DMD: variants seen among roughly 807,000 people sequenced by gnomAD.
The protein encoded by DMD is dystrophin, also known as mutant dystrophin.
DMD carries 63 observed loss-of-function variants against 330.1 expected under a neutral mutation model. That is an observed-to-expected ratio of 0.19 (90% CI 0.16 to 0.24). The LOEUF is 0.24. Ranked by LOEUF, DMD falls within the 10% of genes least tolerant of loss-of-function variation. The probability of loss-of-function intolerance (pLI) is 1.00; values close to 1 mark genes in which losing one functional copy is unlikely to be tolerated. For missense variants in DMD, 3,344 were observed against 2,684.1 expected (o/e 1.25, Z -5.43); for synonymous variants, 1,223 against 959.8 (o/e 1.27, Z -5.07).
chrX:32,720,744 T>G (rs565760088), intron 7 of DMD, among the ~76,000 whole-genome samples: 2 of 111,515 alleles, frequency 1.8e-5, no homozygotes, highest in South Asian at 7.4e-4. Flanking sequence ...TATGCATAGA[T>G]CAAAACACTA....
chrX:32,520,995 T>G (rs1219881997), intron 17 of DMD, among the ~76,000 whole-genome samples: 1 of 110,885 alleles, frequency 9.0e-6, no homozygotes, highest in Non-Finnish European at 1.9e-5. Context: ...ATTATCAGAG[T>G]AGAACTTCTT....
intron 1 of DMD, among the ~76,000 whole-genome samples, chrX:33,106,076 ACACAC>A (rs776080487): frequency 9.0e-5 from 10 of 110,773 alleles, no homozygotes; most frequent in Non-Finnish European, 1.7e-4. Context: ...ACACACACAC[ACACAC>A]ACCATAGAAT....
intron 1 of DMD, among the ~76,000 whole-genome samples, chrX:33,307,658 C>T (rs1034726933): frequency 4.5e-5 from 5 of 111,186 alleles, no homozygotes; most frequent in Non-Finnish European, 7.5e-5. Flanking sequence ...CACTGCACTC[C>T]GGCCTGGGTG....
rs750450411 is a variant in DMD at position 31,188,767 on chromosome X, C to T, written c.9808-5863G>A. On this transcript the variant is annotated intron_variant, in intron 67 of 78. Transcript: ENST00000357033. ...TTTTCTGTTGGTCCTCACCTGCCAG[C>T]AACTATCCATAACAGAAAAGCTAGG... Among the ~76,000 whole-genome samples, 4 of 111,878 alleles carry T rather than the reference C, an allele frequency of 3.6e-5. No homozygotes were observed. The South Asian group carries it at 1.5e-3, about 42-fold the overall frequency.
chrX:33,210,231 CT>C (rs778436040), intron 1 of DMD, among the ~76,000 whole-genome samples: 1 of 107,543 alleles, frequency 9.3e-6, no homozygotes, highest in Non-Finnish European at 1.9e-5. Context: ...AAACTTCTGC[CT>C]TTTTTTTTAG....
chrX:32,946,592 GTTACA>G (rs759019087), intron 2 of DMD, among the ~76,000 whole-genome samples: 3 of 111,740 alleles, frequency 2.7e-5, no homozygotes, highest in East Asian at 2.8e-4. Context: ...TGCTGGTTTT[GTTACA>G]TTACATTTTT....
chrX:31,499,489 C>CTT (rs774151183), intron 56 of DMD, among the ~76,000 whole-genome samples: 2 of 83,687 alleles, frequency 2.4e-5, no homozygotes. Context: ...GAATTCAGTT[C>CTT]TTTTTTTTTT....
chrX:32,229,769 C>A (rs1420216529), intron 43 of DMD, among the ~76,000 whole-genome samples: 1 of 90,452 alleles, frequency 1.1e-5, no homozygotes, highest in African/African-American at 4.1e-5. Context: ...ACAAAACCAT[C>A]GCCACCATGA....
intron 54 of DMD, among the ~76,000 whole-genome samples, chrX:31,648,338 C>T (rs921911429): frequency 9.2e-6 from 1 of 108,183 alleles, no homozygotes; most frequent in African/African-American, 3.4e-5. Flanking sequence ...GATAAAATAC[C>T]AAAATAGAAA....
intron 2 of DMD, among the ~76,000 whole-genome samples, chrX:32,977,566 T>C (rs1259711697): frequency 9.0e-6 from 1 of 111,093 alleles, no homozygotes; most frequent in East Asian, 2.8e-4. Context: ...TCAAAGATAA[T>C]TGTGCTCCTG....
At chrX:32,383,527 C>T (rs1378728114) in intron 33 of DMD, among the ~76,000 whole-genome samples, 2 of 111,173 alleles carry the variant, frequency 1.8e-5, no homozygotes, top group East Asian at 5.6e-4. Flanking sequence ...ATAGGACTTA[C>T]AGCATTTTTA....
intron 51 of DMD, among the ~76,000 whole-genome samples, chrX:31,763,425 T>C (rs1467286205): frequency 2.7e-5 from 3 of 111,233 alleles, no homozygotes; most frequent in Non-Finnish European, 5.7e-5. Flanking sequence ...TAGCCGGGTG[T>C]GGTGGTGAGT....
At chrX:32,761,017 G>A (rs905612101) in intron 7 of DMD, among the ~76,000 whole-genome samples, 2 of 104,688 alleles carry the variant, frequency 1.9e-5, no homozygotes, top group African/African-American at 7.5e-5. Context: ...GTACTCTCCG[G>A]GCATTATTTC....
intron 62 of DMD, among the ~76,000 whole-genome samples, chrX:31,269,986 G>A (rs745376481): frequency 9.0e-6 from 1 of 111,575 alleles, no homozygotes; most frequent in Non-Finnish European, 1.9e-5. Context: ...TACAGAAGGA[G>A]AGGAAAGGAC....
At chrX:33,170,256 A>C (rs947714965) in intron 1 of DMD, among the ~76,000 whole-genome samples, 2 of 111,889 alleles carry the variant, frequency 1.8e-5, no homozygotes, top group Non-Finnish European at 3.8e-5. Context: ...ATACACTTAC[A>C]AAAGTTTTTA....
chrX:31,888,658 T>A (rs2094189994), intron 47 of DMD, among the ~76,000 whole-genome samples: 1 of 112,064 alleles, frequency 8.9e-6, no homozygotes, highest in African/African-American at 3.2e-5. Context: ...AAAACTCGAT[T>A]ATTTTTACAA....
intron 55 of DMD, among the ~76,000 whole-genome samples, chrX:31,613,403 G>A (rs1199367701): frequency 9.0e-6 from 1 of 111,416 alleles, no homozygotes; most frequent in Non-Finnish European, 1.9e-5. Flanking sequence ...AAGAAAAACT[G>A]ACAGTCAGCA....
At chrX:32,183,857 A>G (rs1419899628) in intron 44 of DMD, among the ~76,000 whole-genome samples, 1 of 109,803 alleles carries the variant, frequency 9.1e-6, no homozygotes, top group Non-Finnish European at 1.9e-5. Context: ...TTATCTTTTA[A>G]GTAGCATCAG....
At chrX:32,475,463 A>G (rs753854445) in intron 21 of DMD, among the ~76,000 whole-genome samples, 1 of 111,667 alleles carries the variant, frequency 9.0e-6, no homozygotes, top group Non-Finnish European at 1.9e-5. Flanking sequence ...CATTTTCACA[A>G]TACTGATTGT....
Sources: gnomAD v4.1 joint callset for allele counts (sites outside exome capture counted in the v4.1 genomes callset) on GRCh38, gnomAD v4.1.1 for gene constraint, MANE v1.5 for transcripts, NCBI Gene and HGNC (gene_info 2026-07-23, HGNC 2026-07-21) for gene names.